Variants in DEPDC1B observed in about 807,000 individuals in gnomAD.
DEPDC1B encodes the protein DEP domain containing 1B, also known as DEP domain-containing protein 1B.
A neutral mutation model predicts 66.5 loss-of-function variants in DEPDC1B; 51 were observed. The observed-to-expected ratio is 0.77, with a 90% CI of 0.61 to 0.97. DEPDC1B has a LOEUF of 0.97. Among genes scored for constraint, DEPDC1B ranks in the 50% least tolerant of loss-of-function variants. The pLI, the probability that DEPDC1B is intolerant of heterozygous loss-of-function variation, is 0.00. For missense variants in DEPDC1B, 552 were observed against 637.1 expected (o/e 0.87, Z 1.44); for synonymous variants, 226 against 223.6 (o/e 1.01, Z -0.10).
chr5:60,674,917 A>G (rs1344969172), intron 2 of DEPDC1B, among the ~76,000 whole-genome samples: 1 of 152,182 alleles, frequency 6.6e-6, no homozygotes, highest in African/African-American at 2.4e-5. Flanking sequence ...AGGAAGCACA[A>G]GTGAGTTCAT....
chr5:60,619,832 A>G (rs1246484041), intron 7 of DEPDC1B, among the ~76,000 whole-genome samples: 4 of 152,128 alleles, frequency 2.6e-5, no homozygotes, highest in Non-Finnish European at 5.9e-5. Flanking sequence ...GCATTACCAA[A>G]TCAATCCTAA....
intron 2 of DEPDC1B, among the ~76,000 whole-genome samples, chr5:60,675,824 T>G (rs566839013): frequency 6.6e-6 from 1 of 152,156 alleles, no homozygotes; most frequent in South Asian, 2.1e-4. Flanking sequence ...TCCCTATTAT[T>G]CAATTAACTC....
chr5:60,682,433 T>C (rs1366873544), intron 2 of DEPDC1B, among the ~76,000 whole-genome samples: 3 of 151,854 alleles, frequency 2.0e-5, no homozygotes, highest in African/African-American at 7.3e-5. Flanking sequence ...AGTTAATGGG[T>C]GCAGCACACC....
intron 1 of DEPDC1B, among the ~76,000 whole-genome samples, chr5:60,694,726 C>T (rs1754617214): frequency 6.6e-6 from 1 of 152,124 alleles, no homozygotes; most frequent in Non-Finnish European, 1.5e-5. Context: ...ACTGTTTAAT[C>T]TGTTAATGTT....
In DEPDC1B at chr5:60,638,841, T is replaced by C; in HGVS notation, c.807A>G (p.Lys269=). 1 of 1,613,362 alleles carries C rather than the reference T, an allele frequency of 6.2e-7. No individual in the cohort carries two copies. The highest frequency in any genetic ancestry group is 8.5e-7 in the Non-Finnish European group (1 of 1,179,628). ...LKQPMYLGFE[K]DVFKTIADYY... ...AATCAGCTATGGTTTTAAAGACATC[T>C]TTTTCAAATCCCAAGTACATAGGCT... Residue 269 remains lysine (K), a synonymous_variant, in exon 7 of 11, where the codon AAA becomes AAG. Transcript: ENST00000265036.
intron 7 of DEPDC1B, among the ~76,000 whole-genome samples, chr5:60,611,672 C>T (rs1177842107): frequency 2.6e-5 from 4 of 152,224 alleles, no homozygotes; most frequent in Non-Finnish European, 5.9e-5. Flanking sequence ...CAACCAATCA[C>T]AACATTTCTT....
chr5:60,617,166 C>T (rs191551485), intron 7 of DEPDC1B, among the ~76,000 whole-genome samples: 113 of 152,294 alleles, frequency 7.4e-4, no homozygotes, highest in African/African-American at 2.5e-3. Context: ...ACATACGGTA[C>T]CAGCCACTGC....
intron 2 of DEPDC1B, among the ~76,000 whole-genome samples, chr5:60,659,706 T>A (rs1753663566): frequency 1.3e-5 from 2 of 152,184 alleles, no homozygotes; most frequent in South Asian, 4.1e-4. Flanking sequence ...ACCATGACTT[T>A]CTTGAAAGTG....
intron 7 of DEPDC1B, among the ~76,000 whole-genome samples, chr5:60,619,969 C>T (rs1283987948): frequency 6.6e-6 from 1 of 152,018 alleles, no homozygotes; most frequent in African/African-American, 2.4e-5. Context: ...AGAACAGAGC[C>T]CTCAGAAATA....
chr5:60,648,652 C>G (rs1405087665), intron 2 of DEPDC1B, among the ~76,000 whole-genome samples: 1 of 152,120 alleles, frequency 6.6e-6, no homozygotes, highest in Non-Finnish European at 1.5e-5. Flanking sequence ...AGAAAAGTTG[C>G]ATTTCATCTT....
intron 2 of DEPDC1B, among the ~76,000 whole-genome samples, chr5:60,660,664 G>A (rs1753693180): frequency 6.6e-6 from 1 of 152,160 alleles, no homozygotes; most frequent in Non-Finnish European, 1.5e-5. Flanking sequence ...CACCAGTTCA[G>A]AACTATCCTA....
intron 6 of DEPDC1B, among the ~76,000 whole-genome samples, chr5:60,641,153 C>T (rs1201432704): frequency 6.6e-6 from 1 of 152,094 alleles, no homozygotes; most frequent in Admixed American, 6.5e-5. Flanking sequence ...TAAGAAATTC[C>T]AGTTATTCTA....
At chr5:60,617,620 G>A (rs1178236076) in intron 7 of DEPDC1B, among the ~76,000 whole-genome samples, 1 of 152,170 alleles carries the variant, frequency 6.6e-6, no homozygotes, top group Non-Finnish European at 1.5e-5. Context: ...CAATACAGGA[G>A]CAGCCAGATT....
intron 2 of DEPDC1B, among the ~76,000 whole-genome samples, chr5:60,671,563 T>C (rs1754035137): frequency 6.6e-6 from 1 of 152,214 alleles, no homozygotes; most frequent in Admixed American, 6.5e-5. Flanking sequence ...AACTCTGGCA[T>C]GTGGTCTTAG....
intron 2 of DEPDC1B, among the ~76,000 whole-genome samples, chr5:60,668,096 TATAA>T (rs1753929126): frequency 9.3e-6 from 1 of 107,288 alleles, no homozygotes; most frequent in Non-Finnish European, 1.7e-5. Context: ...TATATATATA[TATAA>T]AATGGATATT....
chr5:60,677,326 A>ACACACACACACACACTCTCTCTCTCT (rs770640655), intron 2 of DEPDC1B, among the ~76,000 whole-genome samples: 1 of 108,526 alleles, frequency 9.2e-6, no homozygotes, highest in African/African-American at 4.0e-5. Context: ...ACACACACAC[A>ACACACACACACACACTCTCTCTCTCT]CTCTCTCTCT....
intron 2 of DEPDC1B, among the ~76,000 whole-genome samples, chr5:60,664,222 C>T (rs750744069): frequency 6.6e-6 from 1 of 152,118 alleles, no homozygotes; most frequent in South Asian, 2.1e-4. Flanking sequence ...TACACATGTC[C>T]GAGAGACCAG....
chr5:60,667,727 A>G (rs181664931), intron 2 of DEPDC1B, among the ~76,000 whole-genome samples: 4,995 of 122,862 alleles, frequency 0.041, 288 homozygotes, highest in East Asian at 0.12. Context: ...TATTTTACAT[A>G]TATATAAAAA....
At chr5:60,618,793 C>T (rs1395290977) in intron 7 of DEPDC1B, among the ~76,000 whole-genome samples, 1 of 152,166 alleles carries the variant, frequency 6.6e-6, no homozygotes, top group African/African-American at 2.4e-5. Flanking sequence ...TTTGATGAGG[C>T]CAGCATCATC....
Sources: gnomAD v4.1 joint callset for allele counts (sites outside exome capture counted in the v4.1 genomes callset) on GRCh38, gnomAD v4.1.1 for gene constraint, MANE v1.5 for transcripts, NCBI Gene and HGNC (gene_info 2026-07-23, HGNC 2026-07-21) for gene names.